ATG10: variants seen among roughly 807,000 people sequenced by gnomAD.
ATG10 encodes autophagy related 10, also known as ubiquitin-like-conjugating enzyme ATG10.
Under a neutral mutation model 32.1 loss-of-function variants are expected in ATG10, and 30 were observed. The observed-to-expected ratio is 0.94, with a 90% CI of 0.70 to 1.27. The LOEUF is 1.27. Ranked by LOEUF, ATG10 falls within the 50% of genes most tolerant of loss-of-function variation. The probability of loss-of-function intolerance (pLI) is 0.00; values close to 1 mark genes in which losing one functional copy is unlikely to be tolerated. For missense variants in ATG10, 233 were observed against 262.3 expected, an observed-to-expected ratio of 0.89 and a Z score of 0.77; for synonymous variants, 87 against 91.5, an observed-to-expected ratio of 0.95 and a Z score of 0.28.
At chr5:82,024,971 A>G (rs1762553118) in intron 2 of ATG10, among the ~76,000 whole-genome samples, 1 of 152,254 alleles carries the variant, frequency 6.6e-6, no homozygotes, top group Non-Finnish European at 1.5e-5. Flanking sequence ...AGGAAAGGAA[A>G]GAACAGAGAA....
At chr5:81,989,804 A>G (rs985580081) in intron 2 of ATG10, among the ~76,000 whole-genome samples, 1 of 151,612 alleles carries the variant, frequency 6.6e-6, no homozygotes, top group Non-Finnish European at 1.5e-5. Context: ...GGATTTCACC[A>G]TGGTCTCGAT....
chr5:82,093,563 T>C (rs919122533), intron 3 of ATG10, among the ~76,000 whole-genome samples: 2 of 152,206 alleles, frequency 1.3e-5, no homozygotes, highest in South Asian at 2.1e-4. Context: ...AATAGTTTTA[T>C]TGGAACACAA....
chr5:82,034,174 A>G (rs1762839748), intron 2 of ATG10, among the ~76,000 whole-genome samples: 1 of 151,878 alleles, frequency 6.6e-6, no homozygotes, highest in South Asian at 2.1e-4. Context: ...TTCCATTTGA[A>G]TGTCTGCCAG....
chr5:82,083,691 G>A (rs192084154), intron 3 of ATG10, among the ~76,000 whole-genome samples: 14 of 152,274 alleles, frequency 9.2e-5, no homozygotes, highest in South Asian at 2.1e-4. Context: ...CTGTTCTGCA[G>A]CCTCCACTGC....
At chr5:82,094,212 C>G (rs778033592) in intron 3 of ATG10, among the ~76,000 whole-genome samples, 1 of 152,076 alleles carries the variant, frequency 6.6e-6, no homozygotes, top group Admixed American at 6.6e-5. Context: ...GCTTTTTTCT[C>G]ATATCTCAGG....
At chr5:82,218,761 T>A (rs1157490387) in intron 5 of ATG10, among the ~76,000 whole-genome samples, 2 of 152,222 alleles carry the variant, frequency 1.3e-5, no homozygotes, top group African/African-American at 4.8e-5. Context: ...AAGAAAAAGA[T>A]TCTAAAATCT....
intron 1 of ATG10, among the ~76,000 whole-genome samples, chr5:81,978,931 G>A (rs1041154065): frequency 1.3e-5 from 2 of 151,508 alleles, no homozygotes; most frequent in Middle Eastern, 3.2e-3. Context: ...ATGGAGTCTC[G>A]CTTTGTCGCC....
chr5:81,995,148 T>G (rs1376054176), intron 2 of ATG10, among the ~76,000 whole-genome samples: 3 of 152,104 alleles, frequency 2.0e-5, no homozygotes, highest in Non-Finnish European at 4.4e-5. Flanking sequence ...GTGTGTGTTT[T>G]GAGACAGAGT....
chr5:82,171,522 C>T lies in ATG10; in HGVS notation c.356-6968C>T, dbSNP rs1442322486. On this transcript the variant is annotated intron_variant, in intron 4 of 7. Transcript: ENST00000282185. ...ATTGAAGGGTAGATCGTAGAGTCAA[C>T]TGAAGGTGGTAGAATGACAAGGCAA... 2.0e-5 allele frequency among the ~76,000 whole-genome samples: 3 copies of T among 152,142 alleles called. No individual in the cohort carries two copies. The East Asian group carries it at 5.8e-4, about 29-fold the overall frequency.
chr5:82,111,386 T>C (rs1054828283), intron 3 of ATG10: 2 of 152,032 alleles, frequency 1.3e-5, no homozygotes, highest in African/African-American at 4.8e-5. Context: ...TTATGTGGTA[T>C]ACAGACATCT....
intron 3 of ATG10, among the ~76,000 whole-genome samples, chr5:82,131,015 T>A (rs191553291): frequency 1.3e-5 from 2 of 152,048 alleles, no homozygotes; most frequent in African/African-American, 4.8e-5. Flanking sequence ...AATTTGGAGC[T>A]AAGCATCGAA....
intron 2 of ATG10, among the ~76,000 whole-genome samples, chr5:82,034,741 T>G (rs1234970658): frequency 6.6e-6 from 1 of 152,120 alleles, no homozygotes; most frequent in Admixed American, 6.5e-5. Flanking sequence ...CCACTATCTG[T>G]TGTGTTCTTC....
At chr5:82,155,070 G>C (rs1220158273) in intron 3 of ATG10, among the ~76,000 whole-genome samples, 1 of 152,174 alleles carries the variant, frequency 6.6e-6, no homozygotes, top group African/African-American at 2.4e-5. Flanking sequence ...AATTTACTCA[G>C]TTCTGAATTT....
intron 3 of ATG10, among the ~76,000 whole-genome samples, chr5:82,092,357 A>T (rs1205282817): frequency 6.6e-6 from 1 of 152,236 alleles, no homozygotes; most frequent in Non-Finnish European, 1.5e-5. Context: ...GTATGAAATG[A>T]CAAAGGCTTT....
intron 3 of ATG10, among the ~76,000 whole-genome samples, chr5:82,074,234 A>G (rs1424352706): frequency 6.6e-6 from 1 of 152,152 alleles, no homozygotes; most frequent in Admixed American, 6.6e-5. Context: ...ATTTCTGTCA[A>G]TTTTTCTTTA....
At chr5:82,107,564 T>C (rs1238796760) in intron 3 of ATG10, among the ~76,000 whole-genome samples, 1 of 152,144 alleles carries the variant, frequency 6.6e-6, no homozygotes, top group East Asian at 1.9e-4. Context: ...CATTAAAAAA[T>C]GTCTACAATG....
chr5:82,015,581 C>T (rs1313740213), intron 2 of ATG10, among the ~76,000 whole-genome samples: 2 of 152,170 alleles, frequency 1.3e-5, no homozygotes, highest in Non-Finnish European at 2.9e-5. Context: ...TTCATTTGAT[C>T]TTCCATCACT....
intron 3 of ATG10, among the ~76,000 whole-genome samples, chr5:82,149,804 G>C (rs942143639): frequency 1.3e-5 from 2 of 152,056 alleles, no homozygotes; most frequent in African/African-American, 4.8e-5. Flanking sequence ...GATCTCCAAT[G>C]GCAAATTCTC....
chr5:82,139,057 C>A (rs995900256), intron 3 of ATG10, among the ~76,000 whole-genome samples: 2 of 149,682 alleles, frequency 1.3e-5, no homozygotes, highest in South Asian at 2.1e-4. Flanking sequence ...TTGGCCGGGC[C>A]GGTCTCCAGC....
Sources: allele counts gnomAD v4.1 joint callset (sites outside exome capture counted in the v4.1 genomes callset), GRCh38; gene constraint gnomAD v4.1.1; transcripts MANE v1.5; gene names NCBI Gene and HGNC (gene_info 2026-07-23, HGNC 2026-07-21).